HSD17B12: variants seen among roughly 807,000 people sequenced by gnomAD.
The protein encoded by HSD17B12 is very-long-chain 3-oxoacyl-CoA reductase.
A neutral mutation model predicts 39.3 loss-of-function variants in HSD17B12; 32 were observed. The ratio of observed to expected loss-of-function variants is 0.81; its 90% CI spans 0.61 to 1.09. The LOEUF is 1.09. Ranked by LOEUF, HSD17B12 falls within the 50% of genes least tolerant of loss-of-function variation. The pLI, the probability that HSD17B12 is intolerant of heterozygous loss-of-function variation, is 0.00. For missense variants in HSD17B12, 342 were observed against 382.9 expected (o/e 0.89, Z 0.89); for synonymous variants, 150 against 146.7 (o/e 1.02, Z -0.16).
At chr11:43,659,011 C>T in the HSD17B12 span, among the ~76,000 whole-genome samples, 1 of 152,240 alleles carries the variant, frequency 6.6e-6, no homozygotes, top group Non-Finnish European at 1.5e-5. Context: ...AAGAGTCAGG[C>T]AGGCCTCCTT....
chr11:43,642,639 G>C, the HSD17B12 span, among the ~76,000 whole-genome samples: 5 of 151,712 alleles, frequency 3.3e-5, no homozygotes, highest in African/African-American at 1.2e-4. Context: ...TTACAACCTG[G>C]TAGCTATTAA....
At chr11:43,751,700 C>T in intron 2 of HSD17B12, among the ~76,000 whole-genome samples, 1 of 152,288 alleles carries the variant, frequency 6.6e-6, no homozygotes, top group African/African-American at 2.4e-5. Flanking sequence ...ATATAACAAA[C>T]ACCTGTATAC....
intron 7 of HSD17B12, chr11:43,837,998 A>C (rs895259629): frequency 2.1e-5 from 6 of 286,898 alleles, no homozygotes; most frequent in South Asian, 8.8e-5. Context: ...TGTAAGTAAA[A>C]ATTCTCAGCA....
intron 9 of HSD17B12, among the ~76,000 whole-genome samples, chr11:43,840,736 A>G (rs1044773719): frequency 6.6e-6 from 1 of 152,188 alleles, no homozygotes; most frequent in Non-Finnish European, 1.5e-5. Context: ...ATAAAATGCC[A>G]TTGTATATAG....
At chr11:43,741,711 T>G (rs1950365873) in intron 1 of HSD17B12, among the ~76,000 whole-genome samples, 1 of 151,322 alleles carries the variant, frequency 6.6e-6, no homozygotes, top group East Asian at 1.9e-4. Context: ...TGAACTTAAC[T>G]GAGGGATTTT....
the HSD17B12 span, among the ~76,000 whole-genome samples, chr11:43,632,593 CTAACT>C: frequency 6.6e-6 from 1 of 152,028 alleles, no homozygotes; most frequent in Non-Finnish European, 1.5e-5. Flanking sequence ...GGCCAACAAA[CTAACT>C]TATTTATTGA....
chr11:43,656,068 T>A, the HSD17B12 span, among the ~76,000 whole-genome samples: 1 of 152,220 alleles, frequency 6.6e-6, no homozygotes, highest in East Asian at 1.9e-4. Flanking sequence ...TATTAATTAT[T>A]GCCTCAATTT....
chr11:43,704,488 T>A (rs1190469730), intron 1 of HSD17B12, among the ~76,000 whole-genome samples: 1 of 152,216 alleles, frequency 6.6e-6, no homozygotes, highest in Non-Finnish European at 1.5e-5. Context: ...GTCTCCTCAG[T>A]ACAGGGTGAC....
the HSD17B12 span, among the ~76,000 whole-genome samples, chr11:43,659,199 G>A: frequency 2.6e-4 from 39 of 152,360 alleles, no homozygotes; most frequent in African/African-American, 3.6e-4. Flanking sequence ...AGCCATGTGC[G>A]GGATATAATC....
At chr11:43,595,111 C>G in the HSD17B12 span, among the ~76,000 whole-genome samples, 2 of 152,218 alleles carry the variant, frequency 1.3e-5, no homozygotes, top group African/African-American at 2.4e-5. Context: ...CTGACACTAG[C>G]AGCACCGAAG....
chr11:43,686,466 A>G (rs1393098493), intron 1 of HSD17B12, among the ~76,000 whole-genome samples: 1 of 152,158 alleles, frequency 6.6e-6, no homozygotes, highest in African/African-American at 2.4e-5. Flanking sequence ...ACCTAAAAGC[A>G]TACCTTTATT....
At chr11:43,676,629 T>C (rs1949697035), upstream of HSD17B12, among the ~76,000 whole-genome samples, 1 of 152,176 alleles carries the variant, frequency 6.6e-6, no homozygotes. Context: ...CCTAGCTCAG[T>C]GGACTGGCAC....
chr11:43,605,507 G>A, the HSD17B12 span, among the ~76,000 whole-genome samples: 1 of 147,874 alleles, frequency 6.8e-6, no homozygotes, highest in African/African-American at 2.5e-5. Context: ...GTTGCGGTGA[G>A]CCAAGATCAC....
chr11:43,743,024 C>T (rs546798000), intron 1 of HSD17B12, among the ~76,000 whole-genome samples: 2 of 152,178 alleles, frequency 1.3e-5, no homozygotes, highest in Middle Eastern at 3.4e-3. Flanking sequence ...TATCTAATAT[C>T]GAATGTGGAC....
the HSD17B12 span, among the ~76,000 whole-genome samples, chr11:43,605,754 C>A: frequency 1.1e-4 from 17 of 152,046 alleles, no homozygotes; most frequent in Non-Finnish European, 1.5e-5. Flanking sequence ...ATATAAAGTG[C>A]TATATAAACG....
chr11:43,779,615 C>T (rs1243350637), intron 3 of HSD17B12, among the ~76,000 whole-genome samples: 1 of 152,166 alleles, frequency 6.6e-6, no homozygotes, highest in African/African-American at 2.4e-5. Context: ...TGATTGAAGA[C>T]TCTGTGTTCC....
the HSD17B12 span, among the ~76,000 whole-genome samples, chr11:43,571,074 G>A: frequency 1.1e-4 from 17 of 152,318 alleles, no homozygotes; most frequent in Admixed American, 9.8e-4. Flanking sequence ...ACCAGATATA[G>A]TGATCCAAGC....
intron 1 of HSD17B12, among the ~76,000 whole-genome samples, chr11:43,722,912 G>A (rs1590694310): frequency 6.6e-6 from 1 of 152,162 alleles, no homozygotes; most frequent in Non-Finnish European, 1.5e-5. Context: ...AATTGAACAG[G>A]GGTAGTGATG....
At chr11:43,612,253 T>C in the HSD17B12 span, among the ~76,000 whole-genome samples, 8 of 152,234 alleles carry the variant, frequency 5.3e-5, no homozygotes, top group African/African-American at 1.9e-4. Flanking sequence ...TTCCTCTGTT[T>C]TTATAATTAT....
Sources: allele counts gnomAD v4.1 joint callset (sites outside exome capture counted in the v4.1 genomes callset), GRCh38; gene constraint gnomAD v4.1.1; transcripts MANE v1.5; gene names NCBI Gene and HGNC (gene_info 2026-07-23, HGNC 2026-07-21).